DENND4C: variants seen among roughly 807,000 people sequenced by gnomAD.
DENND4C encodes DENN domain-containing protein 4C.
A neutral mutation model predicts 203.0 loss-of-function variants in DENND4C; 108 were observed. The ratio of observed to expected loss-of-function variants is 0.53; its 90% CI spans 0.46 to 0.62. The LOEUF is 0.62. DENND4C is among the 20% of genes least tolerant of loss of function. DENND4C has a pLI of 0.00. For synonymous variants in DENND4C, 871 were observed against 792.4 expected, an observed-to-expected ratio of 1.10 and a Z score of -1.67; for missense variants, 2,481 against 2,301.2, an observed-to-expected ratio of 1.08 and a Z score of -1.60.
chr9:19,306,568 A>G (rs549896446), intron 10 of DENND4C, among the ~76,000 whole-genome samples: 50 of 152,038 alleles, frequency 3.3e-4, no homozygotes, highest in Non-Finnish European at 6.2e-4. Context: ...TCATTGTGGT[A>G]CTTTTAGAAA....
intron 2 of DENND4C, 164 bp downstream of exon 2, chr9:19,276,643 C>T (rs558681787): frequency 7.1e-6 from 3 of 421,106 alleles, no homozygotes; most frequent in South Asian, 1.3e-4. Context: ...ATATTACATG[C>T]CAGTATCCAC....
At chr9:19,289,311 G>A (rs1448515659) in intron 4 of DENND4C, among the ~76,000 whole-genome samples, 3 of 152,096 alleles carry the variant, frequency 2.0e-5, no homozygotes, top group African/African-American at 7.2e-5. Context: ...GTTGTAAATA[G>A]AAAAGATACT....
chr9:19,335,435 A>G (rs1820229528), intron 18 of DENND4C, among the ~76,000 whole-genome samples: 1 of 152,146 alleles, frequency 6.6e-6, no homozygotes, highest in African/African-American at 2.4e-5. Context: ...GTTGTTCAAT[A>G]GATTTCTTGA....
chr9:19,354,840 C>G (rs1183463426), intron 26 of DENND4C, among the ~76,000 whole-genome samples: 1 of 151,838 alleles, frequency 6.6e-6, no homozygotes, highest in Non-Finnish European at 1.5e-5. Context: ...GCCACTGCAC[C>G]TGGCCTGCTC....
At chr9:19,234,525 T>G (rs1045825923) in intron 1 of DENND4C, among the ~76,000 whole-genome samples, 1 of 133,900 alleles carries the variant, frequency 7.5e-6, no homozygotes, top group Non-Finnish European at 1.6e-5. Context: ...CCACAGCACC[T>G]GGCTGTTTTT....
intron 1 of DENND4C, among the ~76,000 whole-genome samples, chr9:19,242,002 G>A (rs1184248054): frequency 2.6e-5 from 4 of 152,120 alleles, no homozygotes; most frequent in African/African-American, 9.7e-5. Context: ...ACCAGCCTGG[G>A]CAACATGTAT....
At chr9:19,261,916 T>A (rs1829451690) in intron 1 of DENND4C, among the ~76,000 whole-genome samples, 1 of 152,030 alleles carries the variant, frequency 6.6e-6, no homozygotes, top group Admixed American at 6.6e-5. Flanking sequence ...TAACTTAGGT[T>A]AACTTATTAA....
intron 17 of DENND4C, among the ~76,000 whole-genome samples, chr9:19,332,725 G>A (rs1245862719): frequency 4.7e-5 from 7 of 148,082 alleles, no homozygotes; most frequent in Non-Finnish European, 8.9e-5. Context: ...GAGTGCGGTT[G>A]TGTGATCATG....
chr9:19,311,772 TAA>T (rs1840787856), intron 10 of DENND4C, among the ~76,000 whole-genome samples: 1 of 152,192 alleles, frequency 6.6e-6, no homozygotes, highest in Non-Finnish European at 1.5e-5. Flanking sequence ...ATGAAATGCT[TAA>T]ATAGCATGCT....
chr9:19,263,343 G>GT (rs759100017), intron 1 of DENND4C, among the ~76,000 whole-genome samples: 1 of 151,896 alleles, frequency 6.6e-6, no homozygotes, highest in Non-Finnish European at 1.5e-5. Flanking sequence ...TTTGCTTGTT[G>GT]TTTTTTGTTT....
intron 1 of DENND4C, among the ~76,000 whole-genome samples, chr9:19,263,535 T>C (rs1299121331): frequency 6.6e-6 from 1 of 152,010 alleles, no homozygotes; most frequent in Non-Finnish European, 1.5e-5. Flanking sequence ...TTTTTTGTGT[T>C]TTTAGTAGAA....
Position 19,360,505 on chromosome 9 carries a change from T to C in DENND4C, c.5406+16T>C, listed in dbSNP as rs965378406. ...AGGTGTACAGGTAGGGTGCCAACTT[T>C]TATACTTACATTAGTATTCAGTAGG... On this transcript the variant is annotated intron_variant, in intron 29 of 32. Transcript: ENST00000434457. 3 of 1,613,778 alleles carry C rather than the reference T, an allele frequency of 1.9e-6. No homozygotes were observed. Among genetic ancestry groups the C allele is most frequent in the South Asian group, 1.1e-5 (1 of 91,024 alleles).
chr9:19,373,747 A>G lies in DENND4C; in HGVS notation c.*1574A>G, dbSNP rs1829216401. Among the ~76,000 whole-genome samples the G allele has an allele frequency of 2.0e-5, 3 of 152,122 alleles. No individual in the cohort carries two copies. Among genetic ancestry groups the G allele is most frequent in the Admixed American group, 6.5e-5 (1 of 15,276 alleles). On this transcript the variant is annotated 3_prime_UTR_variant, in exon 33 of 33. Coordinates refer to ENST00000434457, the MANE Select transcript of DENND4C (RefSeq NM_001330640.2). ...AAAGCCATTGGTTTTGTGTGTGTTT[A>G]CAGTAATTATGCAGATGACTAAATG...
At chr9:19,312,899 A>G (rs1351375607) in intron 10 of DENND4C, among the ~76,000 whole-genome samples, 2 of 152,150 alleles carry the variant, frequency 1.3e-5, no homozygotes, top group East Asian at 3.8e-4. Flanking sequence ...ATCTTTTCCC[A>G]TCCCTTTAAT....
intron 1 of DENND4C, among the ~76,000 whole-genome samples, chr9:19,245,855 CAAA>C (rs60726607): frequency 5.8e-5 from 8 of 137,218 alleles, no homozygotes; most frequent in South Asian, 2.3e-4. Context: ...GACTCCGTCT[CAAA>C]AAAAAAAAAA....
chr9:19,354,381 A>AAATATTGC (rs1047049068), intron 26 of DENND4C, among the ~76,000 whole-genome samples: 1 of 152,150 alleles, frequency 6.6e-6, no homozygotes, highest in African/African-American at 2.4e-5. Flanking sequence ...AGTAAACACA[A>AAATATTGC]AATATTGCTT....
rs77132622 is a variant in DENND4C at position 19,254,192 on chromosome 9, T to C, written c.-17-21966T>C. On this transcript the variant is annotated intron_variant, in intron 1 of 32. Transcript: ENST00000434457. ...CACAATATGGAGGTTCTTCTCAAAA[T>C]TAAAAATAGAACTACTGTACAATTC... 4.0e-3 allele frequency among the ~76,000 whole-genome samples: 614 copies of C among 152,208 alleles called. 3 individuals are homozygous for C. Among genetic ancestry groups the C allele is most frequent in the African/African-American group, 0.014 (592 of 41,550 alleles).
At chr9:19,333,851 T>A (rs1257165014) in intron 17 of DENND4C, among the ~76,000 whole-genome samples, 2 of 152,176 alleles carry the variant, frequency 1.3e-5, no homozygotes, top group Non-Finnish European at 2.9e-5. Flanking sequence ...TGAACTAGAT[T>A]AGAATTAAAA....
intron 2 of DENND4C, among the ~76,000 whole-genome samples, chr9:19,285,628 A>G (rs1293779810): frequency 7.0e-6 from 1 of 142,378 alleles, no homozygotes; most frequent in East Asian, 2.0e-4. Context: ...TTTTGGTGTC[A>G]TATCTAAGAA....
Sources: allele counts gnomAD v4.1 joint callset (sites outside exome capture counted in the v4.1 genomes callset), GRCh38; gene constraint gnomAD v4.1.1; transcripts MANE v1.5; gene names NCBI Gene and HGNC (gene_info 2026-07-23, HGNC 2026-07-21).